Variants in SLC2A9 observed in about 807,000 individuals in gnomAD.
The protein encoded by SLC2A9 is solute carrier family 2 member 9, also known as solute carrier family 2, facilitated glucose transporter member 9.
SLC2A9 carries 39 observed loss-of-function variants against 50.6 expected under a neutral mutation model. That is an observed-to-expected ratio of 0.77 (90% CI 0.60 to 1.01). The LOEUF (loss-of-function observed/expected upper bound fraction) is 1.01. Ranked by LOEUF, SLC2A9 falls within the 50% of genes least tolerant of loss-of-function variation. SLC2A9 has a pLI of 0.00. For missense variants in SLC2A9, 686 were observed against 677.6 expected (o/e 1.01, Z -0.14); for synonymous variants, 324 against 276.9 (o/e 1.17, Z -1.69).
chr4:9,822,514 G>A (rs770301255), downstream of SLC2A9, among the ~76,000 whole-genome samples: 9 of 151,916 alleles, frequency 5.9e-5, no homozygotes, highest in Non-Finnish European at 1.0e-4. Context: ...GCTTTCTTTT[G>A]ATTTGCATTT....
intron 1 of SLC2A9, chr4:10,035,409 G>A (rs918003961): frequency 3.3e-5 from 5 of 152,334 alleles, no homozygotes; most frequent in African/African-American, 9.6e-5. Flanking sequence ...GCCACCCACA[G>A]GCATCCCAGC....
rs186682810 is a variant in SLC2A9 at position 10,039,128 on chromosome 4, A to G, written c.-41+1002T>C. Among the ~76,000 whole-genome samples the G allele has an allele frequency of 4.1e-3, 618 of 152,360 alleles. 4 individuals are homozygous for G. The highest frequency in any genetic ancestry group is 4.5e-3 in the Non-Finnish European group (308 of 68,034). On this transcript the variant is annotated intron_variant, in intron 1 of 12. Coordinates refer to the SLC2A9 transcript ENST00000309065. Reference sequence around the variant, plus strand: ...GCTCTAGAGTGTTCATGTGAGCTCAATGAATCTCCGACTTCATGCTTGTTG... The same window carrying G: ...GCTCTAGAGTGTTCATGTGAGCTCAGTGAATCTCCGACTTCATGCTTGTTG...
At chr4:9,873,777 C>A (rs904645483) in intron 10 of SLC2A9, among the ~76,000 whole-genome samples, 2 of 152,188 alleles carry the variant, frequency 1.3e-5, no homozygotes, top group Admixed American at 6.5e-5. Flanking sequence ...CTAACTCTTG[C>A]GAGCAATAAT....
intron 3 of SLC2A9, among the ~76,000 whole-genome samples, chr4:9,808,689 A>T (rs1312982957): frequency 1.3e-5 from 2 of 152,206 alleles, no homozygotes; most frequent in African/African-American, 4.8e-5. Flanking sequence ...ATGCAGGATG[A>T]TGCCTCATAG....
intron 2 of SLC2A9, among the ~76,000 whole-genome samples, chr4:10,005,478 A>G (rs1305867877): frequency 6.6e-6 from 1 of 152,212 alleles, no homozygotes; most frequent in Non-Finnish European, 1.5e-5. Context: ...TGATAGCTCT[A>G]ATTTGTGGTT....
chr4:9,990,281 G>A (rs767780450), intron 3 of SLC2A9, among the ~76,000 whole-genome samples: 3 of 152,158 alleles, frequency 2.0e-5, no homozygotes, highest in Non-Finnish European at 2.9e-5. Context: ...GGGGAGATGT[G>A]ATAGAAAAAT....
chr4:9,781,954 G>T, intron 3 of SLC2A9: 1 of 1,274,528 alleles, frequency 7.8e-7, no homozygotes. Flanking sequence ...TCCTCGGGGT[G>T]CCCGATGGGG....
Position 9,887,662 on chromosome 4 carries a change from G to T in SLC2A9, c.1216-20C>A. On this transcript the variant is annotated intron_variant, in intron 9 of 11. Coordinates refer to ENST00000264784, the MANE Select transcript of SLC2A9 (RefSeq NM_020041.3). The stretch of plus-strand genomic sequence containing the variant: ...GTGGTCCTGGGAGAGAACAGGGAGT[G>T]GTCAGGTGAGGAGGTGATGGTGTGA... 6.7e-7 allele frequency: 1 copy of T among 1,486,772 alleles called. No individual in the cohort carries two copies. 92.1% of individuals were successfully genotyped at this position (1,486,772 alleles called of 1,614,324 possible). A position where few individuals can be genotyped will look rare whatever the true frequency, so the allele number is the denominator to read the frequency against.
chr4:9,845,414 C>A (rs1041424594), intron 10 of SLC2A9, among the ~76,000 whole-genome samples: 1 of 147,228 alleles, frequency 6.8e-6, no homozygotes, highest in Non-Finnish European at 1.5e-5. Context: ...AATGGAACCA[C>A]GATCATCAAT....
Position 9,884,294 on chromosome 4 carries a change from G to A in SLC2A9, c.1291+3273C>T, listed in dbSNP as rs537490860. Among the ~76,000 whole-genome samples the A allele has an allele frequency of 3.3e-4, 50 of 152,230 alleles. 1 individual carries two copies. The highest frequency in any genetic ancestry group is 2.8e-3 in the Admixed American group (43 of 15,292). On this transcript the variant is annotated intron_variant, in intron 10 of 11. Coordinates refer to ENST00000264784, the MANE Select transcript of SLC2A9 (RefSeq NM_020041.3). ...AACAATTTTTTTAGAAAAGAGATGG[G>A]CTTTTTTTCTCTAGCACCCTGGCTA...
At position 9,955,368 on chromosome 4, in the gene SLC2A9, G is replaced by A. The variant is rs1405413323; in HGVS notation, c.682-13323C>T. Among the ~76,000 whole-genome samples, 4 of 103,772 alleles carry A rather than the reference G, an allele frequency of 3.9e-5. 1 individual carries two copies. The Admixed American group carries it at 4.0e-4, about 10-fold the overall frequency. The allele number at this position is 103,772 out of a possible 152,430, so 68.1% of individuals were successfully genotyped here. The stretch of plus-strand genomic sequence containing the variant: ...AAATTAGCCGGGCGTGATGGCGGGC[G>A]CCTGTAGTCCCAGCTACTGGGGAGG... On this transcript the variant is annotated intron_variant, in intron 5 of 11. Transcript: ENST00000264784.
chr4:9,931,117 G>C (rs1302052356), intron 6 of SLC2A9, among the ~76,000 whole-genome samples: 1 of 152,152 alleles, frequency 6.6e-6, no homozygotes, highest in Non-Finnish European at 1.5e-5. Context: ...TGAGTTTATG[G>C]AAGGTAACTC....
At chr4:9,949,123 C>G (rs1749738220) in intron 5 of SLC2A9, among the ~76,000 whole-genome samples, 1 of 152,200 alleles carries the variant, frequency 6.6e-6, no homozygotes, top group African/African-American at 2.4e-5. Flanking sequence ...TATCTGGTAC[C>G]AATTTCCATT....
At chr4:9,999,031 G>C (rs1259844122) in intron 2 of SLC2A9, among the ~76,000 whole-genome samples, 2 of 151,098 alleles carry the variant, frequency 1.3e-5, no homozygotes, top group Non-Finnish European at 2.9e-5. Flanking sequence ...TCATCTCGGG[G>C]GATGACAGAA....
At chr4:9,792,188 T>G (rs1850742) in intron 3 of SLC2A9, among the ~76,000 whole-genome samples, 2 of 115,504 alleles carry the variant, frequency 1.7e-5, no homozygotes, top group Non-Finnish European at 1.8e-5. Context: ...TTTTTTTTTG[T>G]GGCAGGGAGA....
intron 2 of SLC2A9, among the ~76,000 whole-genome samples, chr4:10,002,540 T>C (rs1433272805): frequency 6.6e-6 from 1 of 152,322 alleles, no homozygotes; most frequent in East Asian, 1.9e-4. Flanking sequence ...ATAAACCTAA[T>C]GGTGCATTTA....
chr4:9,932,457 T>A (rs1163616775), intron 6 of SLC2A9, among the ~76,000 whole-genome samples: 2 of 152,182 alleles, frequency 1.3e-5, no homozygotes, highest in Non-Finnish European at 2.9e-5. Context: ...AGCAAATTCA[T>A]TTATAAACAT....
At chr4:9,778,462 G>GT (rs1408829064), downstream of SLC2A9, among the ~76,000 whole-genome samples, 2 of 152,066 alleles carry the variant, frequency 1.3e-5, no homozygotes, top group Admixed American at 6.5e-5. Flanking sequence ...AGCAGGGATT[G>GT]TTCTCTAGAA....
At chr4:9,929,883 T>C (rs772142423) in intron 6 of SLC2A9, among the ~76,000 whole-genome samples, 8 of 152,058 alleles carry the variant, frequency 5.3e-5, no homozygotes, top group Non-Finnish European at 8.8e-5. Flanking sequence ...CAGAGTCAGC[T>C]CCCTGGTGAA....
Sources: allele counts gnomAD v4.1 joint callset (sites outside exome capture counted in the v4.1 genomes callset), GRCh38; gene constraint gnomAD v4.1.1; transcripts MANE v1.5; gene names NCBI Gene and HGNC (gene_info 2026-07-23, HGNC 2026-07-21).